Variants in DENND2D observed in about 807,000 individuals in gnomAD.
DENND2D encodes the protein DENN domain containing 2D, also known as DENN domain-containing protein 2D.
A neutral mutation model predicts 59.8 loss-of-function variants in DENND2D; 37 were observed. That is an observed-to-expected ratio of 0.62 (90% CI 0.48 to 0.81). DENND2D has a LOEUF of 0.81. DENND2D is among the 40% of genes least tolerant of loss of function. DENND2D has a pLI of 0.00. For synonymous variants in DENND2D, 219 were observed against 211.3 expected, an observed-to-expected ratio of 1.04 and a Z score of -0.31; for missense variants, 525 against 579.7, an observed-to-expected ratio of 0.91 and a Z score of 0.97.
chr1:111,189,373 A>G (rs1657520269), intron 8 of DENND2D, 120 bp from the exon 9 acceptor site: 5 of 978,894 alleles, frequency 5.1e-6, no homozygotes, highest in Non-Finnish European at 7.9e-6. Context: ...CAAAATCAAT[A>G]TCTTCAGTTC....
intron 3 of DENND2D, among the ~76,000 whole-genome samples, chr1:111,198,295 C>G (rs1658443934): frequency 6.6e-6 from 1 of 152,218 alleles, no homozygotes; most frequent in African/African-American, 2.4e-5. Flanking sequence ...AATTCCAGGG[C>G]TCATGCTAGA....
chr1:111,188,925 G>A (rs1657473682), intron 9 of DENND2D, 139 bp from the exon 10 acceptor site: 3 of 777,828 alleles, frequency 3.9e-6, no homozygotes, highest in Middle Eastern at 3.6e-4. Flanking sequence ...AACAACAGAA[G>A]CTGTTTCTTG....
chr1:111,195,391 A>AG (rs1012015012), intron 6 of DENND2D: 2 of 155,712 alleles, frequency 1.3e-5, no homozygotes, highest in Admixed American at 6.2e-5. Flanking sequence ...CAAGGTTCAA[A>AG]GGGGCACACA....
At chr1:111,194,814 C>T (rs1271409701) in intron 6 of DENND2D, 88 bp from the exon 7 acceptor site, 7 of 1,444,670 alleles carry the variant, frequency 4.8e-6, no homozygotes, top group Non-Finnish European at 6.6e-6. Flanking sequence ...AGCCTCTATT[C>T]CTTCTGCCCC....
rs538544697 is a variant in DENND2D, at chr1:111,197,523, A to G, written c.427-270T>C. On this transcript the variant is annotated intron_variant, in intron 4 of 11. Transcript: ENST00000357640. The stretch of plus-strand genomic sequence containing the variant: ...GCAAGTGTGCCTTAGAGATGAAGAA[A>G]TGGCTAAGGAGGAAAGCACTGTAAA... 5.8e-6 allele frequency: 8 copies of G among 1,389,778 alleles called. No homozygotes were observed. The Admixed American group carries it at 1.5e-4, about 26-fold the overall frequency. The allele number at this position is 1,389,778 out of a possible 1,614,324, so 86.1% of individuals were successfully genotyped here.
chr1:111,197,597 C>G, intron 4 of DENND2D: 1 of 1,351,378 alleles, frequency 7.4e-7, no homozygotes, highest in Non-Finnish European at 9.5e-7. Context: ...ACTAATTGTC[C>G]AAGTCCCAGC....
chr1:111,194,802 C>G, intron 6 of DENND2D, 76 bp from the exon 7 acceptor site: 1 of 1,521,682 alleles, frequency 6.6e-7, no homozygotes, highest in Non-Finnish European at 9.0e-7. Context: ...TAGGCCTCTA[C>G]CAGCCTCTAT....
At chr1:111,194,992 A>G (rs1658094347) in intron 6 of DENND2D, 3 of 450,678 alleles carry the variant, frequency 6.7e-6, no homozygotes, top group Non-Finnish European at 1.2e-5. Flanking sequence ...CTGTTCCTTG[A>G]GCAATCCCAT....
intron 4 of DENND2D, chr1:111,197,479 G>A: frequency 7.2e-7 from 1 of 1,388,050 alleles, no homozygotes; most frequent in Non-Finnish European, 9.3e-7. Context: ...GCACAATCTG[G>A]GGTCAGCAAA....
upstream of DENND2D, among the ~76,000 whole-genome samples, chr1:111,202,004 T>C (rs1483680175): frequency 1.3e-5 from 2 of 152,176 alleles, no homozygotes; most frequent in Non-Finnish European, 2.9e-5. Flanking sequence ...AACTGAGGCA[T>C]AAAGTAATTC....
At position 111,187,481 on chromosome 1, in the gene DENND2D, T is replaced by C. The variant is rs1417780351; in HGVS notation, c.*124A>G. ...ACACCAGTTTGAAGCAATACCTGGA[T>C]ACCAAGACTCAGAGTGAGGATATGG... On this transcript the variant is annotated 3_prime_UTR_variant, in exon 12 of 12. Transcript: ENST00000357640. The C allele has an allele frequency of 1.6e-5, 12 of 737,384 alleles. No individual in the cohort carries two copies. The Admixed American group carries it at 2.9e-4, about 18-fold the overall frequency. 45.7% of individuals were successfully genotyped at this position (737,384 alleles called of 1,614,324 possible). A position where few individuals can be genotyped will look rare whatever the true frequency, so the allele number is the denominator to read the frequency against.
rs941622977 is a variant in DENND2D, at chr1:111,188,746, T to C, written c.1055A>G (p.Asp352Gly). ...EKDILPPKLQ[D>G]DILDSLGQGI... is the part of the protein sequence containing the mutation. ...CTGACCAAGAGAGTCTAAGATGTCA[T>C]CCTGAAGCTTCGGTGGCAGGATGTC... The change falls in exon 10 of 12, where the codon GAT (aspartate) becomes GGT (glycine). Residue 352 changes from aspartate to glycine, a missense_variant. By Grantham distance (94) the Asp-to-Gly change is moderately conservative. Transcript: ENST00000357640. 4 of 1,614,098 alleles carry C rather than the reference T, an allele frequency of 2.5e-6. No homozygotes were observed. Among genetic ancestry groups the C allele is most frequent in the Non-Finnish European group, 3.4e-6 (4 of 1,179,994 alleles).
At chr1:111,200,989 C>T (rs565000516), upstream of DENND2D, 7 of 159,748 alleles carry the variant, frequency 4.4e-5, no homozygotes, top group East Asian at 1.8e-4. Flanking sequence ...ACTTGGTCAA[C>T]GGAAGTCAAA....
intron 7 of DENND2D, among the ~76,000 whole-genome samples, chr1:111,193,387 AC>A (rs1657950697): frequency 6.6e-6 from 1 of 152,166 alleles, no homozygotes; most frequent in African/African-American, 2.4e-5. Flanking sequence ...CTTCCCAAAC[AC>A]TGATCTGAGG....
chr1:111,190,062 G>A (rs1657606542), intron 8 of DENND2D, among the ~76,000 whole-genome samples: 1 of 151,502 alleles, frequency 6.6e-6, no homozygotes, highest in South Asian at 2.1e-4. Context: ...TACTCCAGAG[G>A]CTGAGGCAGG....
At position 111,200,622 on chromosome 1, in the gene DENND2D, C is replaced by T. The variant is rs953787224; in HGVS notation, c.-163G>A. 33 of 1,426,240 alleles carry T rather than the reference C, an allele frequency of 2.3e-5. 1 individual carries two copies. The South Asian group carries it at 4.4e-4, about 19-fold the overall frequency. The allele number at this position is 1,426,240 out of a possible 1,614,324, so 88.3% of individuals were successfully genotyped here. Reference sequence around the variant, plus strand: ...GGAATAGAAGTTTCCATCCTGTGCACCCAGTGGTTGAGCAAGAAGGATGTG... The same window carrying T: ...GGAATAGAAGTTTCCATCCTGTGCATCCAGTGGTTGAGCAAGAAGGATGTG... On this transcript the variant is annotated 5_prime_UTR_variant, in exon 1 of 12. In the 5' UTR this introduces an upstream ATG that the reference lacks. Transcript: ENST00000357640.
chr1:111,187,825 G>T, intron 11 of DENND2D, 144 bp from the exon 12 acceptor site: 1 of 765,426 alleles, frequency 1.3e-6, no homozygotes. Flanking sequence ...AGGTTCTGGA[G>T]ATCCAGACAT....
intron 8 of DENND2D, 114 bp downstream of exon 8, chr1:111,192,026 G>A (rs1370119352): frequency 4.9e-6 from 5 of 1,024,078 alleles, no homozygotes; most frequent in African/African-American, 4.8e-5. Flanking sequence ...GAAAGCTCAG[G>A]CTTAAAGAGG....
chr1:111,188,878 A>G, intron 9 of DENND2D, 92 bp from the exon 10 acceptor site: 2 of 1,069,460 alleles, frequency 1.9e-6, no homozygotes, highest in Non-Finnish European at 2.9e-6. Context: ...TGAATTCTAC[A>G]CCCCCACTCC....
Sources: gnomAD v4.1 joint callset for allele counts (sites outside exome capture counted in the v4.1 genomes callset) on GRCh38, gnomAD v4.1.1 for gene constraint, MANE v1.5 for transcripts, NCBI Gene and HGNC (gene_info 2026-07-23, HGNC 2026-07-21) for gene names.